MCC: variants seen among roughly 807,000 people sequenced by gnomAD.
MCC encodes the protein colorectal mutant cancer protein.
A neutral mutation model predicts 116.2 loss-of-function variants in MCC; 90 were observed. The ratio of observed to expected loss-of-function variants is 0.77; its 90% CI spans 0.65 to 0.92. The LOEUF (loss-of-function observed/expected upper bound fraction) is 0.92. Among genes scored for constraint, MCC ranks in the 40% least tolerant of loss-of-function variants. MCC has a pLI of 0.00. For missense variants in MCC, 1,516 were observed against 1,312.2 expected, an observed-to-expected ratio of 1.16 and a Z score of -2.40; for synonymous variants, 578 against 510.5, an observed-to-expected ratio of 1.13 and a Z score of -1.78.
chr5:113,291,277 G>A (rs1324884170), intron 3 of MCC, among the ~76,000 whole-genome samples: 2 of 152,102 alleles, frequency 1.3e-5, no homozygotes, highest in African/African-American at 4.8e-5. Context: ...TAGTATCCAA[G>A]CATTCCTGGA....
intron 3 of MCC, among the ~76,000 whole-genome samples, chr5:113,185,773 G>T (rs917814472): frequency 1.3e-5 from 2 of 152,128 alleles, no homozygotes; most frequent in Admixed American, 6.5e-5. Context: ...ATATTAAAGA[G>T]ATTTAGGAAT....
At chr5:113,364,838 A>G (rs1223030753) in intron 2 of MCC, among the ~76,000 whole-genome samples, 1 of 152,172 alleles carries the variant, frequency 6.6e-6, no homozygotes, top group Non-Finnish European at 1.5e-5. Context: ...GCTGAGCTCT[A>G]TCTGAGGCCC....
chr5:113,093,711 T>C (rs1349492663), intron 8 of MCC, among the ~76,000 whole-genome samples: 1 of 151,702 alleles, frequency 6.6e-6, no homozygotes, highest in East Asian at 1.9e-4. Flanking sequence ...TGAGTACAAT[T>C]GTGGGAGCAC....
At chr5:113,347,532 T>G (rs950367245) in intron 2 of MCC, among the ~76,000 whole-genome samples, 1 of 152,106 alleles carries the variant, frequency 6.6e-6, no homozygotes, top group Non-Finnish European at 1.5e-5. Context: ...TTGTATTACT[T>G]GCAAGCCTTG....
chr5:113,101,551 TAAA>T, intron 8 of MCC, 185 bp downstream of exon 8: 1 of 580,912 alleles, frequency 1.7e-6, no homozygotes, highest in African/African-American at 1.9e-5. Flanking sequence ...TTTTTTTTTT[TAAA>T]TCTTACCTCT....
intron 5 of MCC, among the ~76,000 whole-genome samples, chr5:113,140,153 C>T (rs1759094045): frequency 6.6e-6 from 1 of 152,162 alleles, no homozygotes; most frequent in Admixed American, 6.5e-5. Context: ...GGATTTTCTA[C>T]TTATCTCTTT....
At chr5:113,293,128 T>A (rs1347013506) in intron 3 of MCC, among the ~76,000 whole-genome samples, 3 of 152,064 alleles carry the variant, frequency 2.0e-5, no homozygotes, top group Non-Finnish European at 4.4e-5. Flanking sequence ...AGCATGACAC[T>A]TAAGAGCACC....
At chr5:113,050,788 CGGCAAGGAGGGCAGGTGCT>C (rs763192604) in intron 15 of MCC, among the ~76,000 whole-genome samples, 4 of 152,208 alleles carry the variant, frequency 2.6e-5, no homozygotes, top group Non-Finnish European at 5.9e-5. Flanking sequence ...CCAGAGAGAA[CGGCAAGGAGGGCAGGTGCT>C]GGCCAGCAAG....
intron 3 of MCC, among the ~76,000 whole-genome samples, chr5:113,304,098 TC>T (rs1766925343): frequency 6.6e-6 from 1 of 152,148 alleles, no homozygotes; most frequent in Non-Finnish European, 1.5e-5. Context: ...TAGAAGCACC[TC>T]GGCAAGGATT....
chr5:113,476,141 A>C (rs757668024), intron 1 of MCC, among the ~76,000 whole-genome samples: 12 of 152,254 alleles, frequency 7.9e-5, no homozygotes, highest in Non-Finnish European at 1.6e-4. Context: ...TTACAGATTC[A>C]ACACAATCCT....
chr5:113,348,644 A>G (rs1374226214), intron 2 of MCC, among the ~76,000 whole-genome samples: 2 of 152,086 alleles, frequency 1.3e-5, no homozygotes, highest in African/African-American at 2.4e-5. Flanking sequence ...TGGTGCATCT[A>G]AAGAACTAGA....
intron 15 of MCC, among the ~76,000 whole-genome samples, chr5:113,051,830 A>G (rs969598661): frequency 6.6e-6 from 1 of 152,174 alleles, no homozygotes; most frequent in African/African-American, 2.4e-5. Context: ...CAGAAATTTG[A>G]ATTTCTCAGC....
intron 3 of MCC, among the ~76,000 whole-genome samples, chr5:113,186,008 G>A (rs1372845729): frequency 6.6e-6 from 1 of 152,020 alleles, no homozygotes; most frequent in African/African-American, 2.4e-5. Context: ...AGGACTGTAT[G>A]ATTTTTTTTT....
chr5:113,188,677 A>G (rs1762015503), intron 3 of MCC, among the ~76,000 whole-genome samples: 1 of 152,182 alleles, frequency 6.6e-6, no homozygotes, highest in African/African-American at 2.4e-5. Context: ...GTATGCACAC[A>G]TCACCCTGTT....
chr5:113,196,931 T>A (rs1475305146), intron 3 of MCC, among the ~76,000 whole-genome samples: 1 of 152,162 alleles, frequency 6.6e-6, no homozygotes, highest in African/African-American at 2.4e-5. Flanking sequence ...CCACTAATGG[T>A]CTTTGGAACA....
intron 6 of MCC, among the ~76,000 whole-genome samples, chr5:113,116,243 A>G (rs1307483022): frequency 6.6e-6 from 1 of 152,200 alleles, no homozygotes; most frequent in African/African-American, 2.4e-5. Context: ...AGGAGGGGGA[A>G]GATGTGGTTC....
At chr5:113,273,069 G>C (rs1229770680) in intron 3 of MCC, among the ~76,000 whole-genome samples, 3 of 152,096 alleles carry the variant, frequency 2.0e-5, no homozygotes, top group Non-Finnish European at 4.4e-5. Context: ...GAACTAAGGA[G>C]AGAGAACTAT....
chr5:113,244,939 A>T (rs112296766), intron 3 of MCC, among the ~76,000 whole-genome samples: 10 of 152,248 alleles, frequency 6.6e-5, no homozygotes, highest in Non-Finnish European at 1.5e-4. Flanking sequence ...ACTGCCCACA[A>T]GTATGAGAAA....
intron 6 of MCC, among the ~76,000 whole-genome samples, chr5:113,108,652 C>CAA (rs58617659): frequency 8.2e-4 from 95 of 115,306 alleles, no homozygotes; most frequent in African/African-American, 3.0e-3. Flanking sequence ...GACTCCATTT[C>CAA]AAAAAAAAAA....
Sources: allele counts gnomAD v4.1 joint callset (sites outside exome capture counted in the v4.1 genomes callset), GRCh38; gene constraint gnomAD v4.1.1; transcripts MANE v1.5; gene names NCBI Gene and HGNC (gene_info 2026-07-23, HGNC 2026-07-21).